ZNF649: variants seen among roughly 807,000 people sequenced by gnomAD.
ZNF649 encodes zinc finger protein 649.
Under a neutral mutation model 14.1 loss-of-function variants are expected in ZNF649, and 7 were observed. The ratio of observed to expected loss-of-function variants is 0.49; its 90% CI spans 0.28 to 0.93. The LOEUF is 0.93. ZNF649 is among the 40% of genes least tolerant of loss of function. The probability of loss-of-function intolerance (pLI) is 0.10; values close to 1 mark genes in which losing one functional copy is unlikely to be tolerated. For missense variants in ZNF649, 544 were observed against 608.1 expected, an observed-to-expected ratio of 0.89 and a Z score of 1.11; for synonymous variants, 227 against 212.3, an observed-to-expected ratio of 1.07 and a Z score of -0.60.
chr19:51,901,986 AAAT>A (rs1300678236), intron 1 of ZNF649, among the ~76,000 whole-genome samples: 43 of 151,540 alleles, frequency 2.8e-4, no homozygotes, highest in African/African-American at 9.7e-4. Context: ...AAGAAAGAAG[AAAT>A]AATAATAAAA....
At chr19:51,902,971 T>A (rs1437872339) in intron 1 of ZNF649, among the ~76,000 whole-genome samples, 2 of 152,124 alleles carry the variant, frequency 1.3e-5, no homozygotes, top group African/African-American at 4.8e-5. Context: ...ATGGCAAAGT[T>A]ATCTCGGGGT....
At chr19:51,897,119 C>T in intron 2 of ZNF649, 141 bp from the exon 3 acceptor site, 10 of 1,198,508 alleles carry the variant, frequency 8.3e-6, no homozygotes, top group Non-Finnish European at 1.2e-5. Flanking sequence ...TTTCAGGATG[C>T]CCCACATATA....
intron 1 of ZNF649, among the ~76,000 whole-genome samples, chr19:51,901,637 C>A (rs1018609506): frequency 6.6e-6 from 1 of 151,020 alleles, no homozygotes; most frequent in Non-Finnish European, 1.5e-5. Flanking sequence ...AGAGCAAGAC[C>A]CTGTCTCTTA....
In ZNF649 at chr19:51,896,459, C is replaced by A; in HGVS notation, c.238+13G>T. 6.2e-7 allele frequency: 1 copy of A among 1,612,506 alleles called. No individual in the cohort carries two copies. The highest frequency in any genetic ancestry group is 1.1e-5 in the South Asian group (1 of 91,048). ...CCGCTGCCTTCCCCTCTTGCTGGTTCTCTCTCACTTACCTGGGTGGGCTGG... is the reference window on the plus strand; with the variant it reads ...CCGCTGCCTTCCCCTCTTGCTGGTTATCTCTCACTTACCTGGGTGGGCTGG... On this transcript the variant is annotated intron_variant, in intron 4 of 4. Coordinates refer to ENST00000354957, the MANE Select transcript of ZNF649 (RefSeq NM_023074.4).
At chr19:51,897,107 G>C (rs769326759) in intron 2 of ZNF649, 129 bp from the exon 3 acceptor site, 27 of 1,335,310 alleles carry the variant, frequency 2.0e-5, no homozygotes, top group Non-Finnish European at 2.8e-5. Flanking sequence ...TCAATGGAAT[G>C]GTTTCAGGAT....
chr19:51,897,479 A>G (rs61557401), intron 2 of ZNF649, among the ~76,000 whole-genome samples: 2,966 of 152,270 alleles, frequency 0.019, 110 homozygotes, highest in African/African-American at 0.066. Context: ...ACCCTAAACT[A>G]TATGCTACAG....
intron 1 of ZNF649, among the ~76,000 whole-genome samples, chr19:51,903,322 G>A (rs1448385764): frequency 6.6e-6 from 1 of 151,916 alleles, no homozygotes; most frequent in African/African-American, 2.4e-5. Context: ...TTGCCAGGCA[G>A]AGCTAAAATT....
rs2085061821 is a variant in ZNF649, at chr19:51,896,291, A to AAAG, written c.238+178_238+180dup. ...ATAGGGATCAGTTCCAAGAAGAGATAAAGGGGTATGTATGCTTCTCTGAAT... is the reference window on the plus strand; with the variant it reads ...ATAGGGATCAGTTCCAAGAAGAGATAAAGAAGGGGTATGTATGCTTCTCTGAAT... On this transcript the variant is annotated intron_variant, in intron 4 of 4. Coordinates refer to ENST00000354957, the MANE Select transcript of ZNF649 (RefSeq NM_023074.4). 6.2e-5 allele frequency: 34 copies of AAAG among 545,668 alleles called. No homozygotes were observed. In the South Asian group the frequency reaches 7.5e-4, roughly 12 times the overall value. 33.8% of individuals were successfully genotyped at this position (545,668 alleles called of 1,614,324 possible).
At chr19:51,896,757 G>A in intron 3 of ZNF649, 95 bp downstream of exon 3, 6 of 1,611,180 alleles carry the variant, frequency 3.7e-6, no homozygotes, top group Non-Finnish European at 5.1e-6. Context: ...TCTGCCATTT[G>A]GGAGCACAGC....
rs1346460525 is a variant in ZNF649, at chr19:51,889,317, A to T, written c.*1301T>A. The T allele has an allele frequency of 6.6e-6, 1 of 152,194 alleles. No homozygotes were observed. The highest frequency in any genetic ancestry group is 1.5e-5 in the Non-Finnish European group (1 of 68,038). 9.4% of individuals were successfully genotyped at this position (152,194 alleles called of 1,614,324 possible). ...ATAAGTTCATGATTTTCTTTCAGTCAGTTCAGGCTACTAGAAAAAATACAC... is the reference window on the plus strand; with the variant it reads ...ATAAGTTCATGATTTTCTTTCAGTCTGTTCAGGCTACTAGAAAAAATACAC... On this transcript the variant is annotated 3_prime_UTR_variant, in exon 5 of 5. Transcript: ENST00000354957.
chr19:51,894,661 T>C (rs1465959029), intron 4 of ZNF649, among the ~76,000 whole-genome samples: 1 of 152,238 alleles, frequency 6.6e-6, no homozygotes, highest in East Asian at 1.9e-4. Flanking sequence ...TAGCCCTGAA[T>C]TGTAACAAAA....
chr19:51,893,995 C>A (rs1001479151), intron 4 of ZNF649, among the ~76,000 whole-genome samples: 6 of 152,174 alleles, frequency 3.9e-5, no homozygotes, highest in African/African-American at 1.4e-4. Flanking sequence ...ATTACTGGCA[C>A]AGAAAATTCA....
chr19:51,898,991 C>T (rs2085080550), intron 2 of ZNF649, among the ~76,000 whole-genome samples: 1 of 152,098 alleles, frequency 6.6e-6, no homozygotes, highest in Non-Finnish European at 1.5e-5. Context: ...GACTGAAAGT[C>T]CCAACTCTGT....
chr19:51,891,087 T>G lies in ZNF649; in HGVS notation c.1049A>C (p.Asp350Ala), dbSNP rs2085018624. 6.2e-7 allele frequency: 1 copy of G among 1,614,100 alleles called. No homozygotes were observed. Among genetic ancestry groups the G allele is most frequent in the Non-Finnish European group, 8.5e-7 (1 of 1,180,046 alleles). The change falls in exon 5 of 5, where the codon GAC becomes GCC. Residue 350 changes from aspartate (D) to alanine (A), a missense_variant. Asp to Ala is a moderately radical substitution (Grantham distance 126, BLOSUM62 -2). Transcript: ENST00000354957. The surrounding 1 kb of genome is among the most constrained non-coding windows in gnomAD (Gnocchi z 4.2). ...CTTCTGGCTGAAGGCCTTGCCACAG[T>G]CAATGCATCCATAAGGTTTCTCTCC... Reference protein sequence around the residue: ...HTGEKPYGCIDCGKAFSQKSC... With the variant: ...HTGEKPYGCIACGKAFSQKSC...
chr19:51,897,495 T>G (rs992817370), intron 2 of ZNF649, among the ~76,000 whole-genome samples: 3 of 152,312 alleles, frequency 2.0e-5, no homozygotes, highest in African/African-American at 4.8e-5. Context: ...TACAGTCATA[T>G]AGTACGTGCA....
chr19:51,902,705 A>G (rs78563255), intron 1 of ZNF649, among the ~76,000 whole-genome samples: 1 of 152,226 alleles, frequency 6.6e-6, no homozygotes, highest in South Asian at 2.1e-4. Context: ...ATTTGGAATC[A>G]TCAGAATTCT....
In ZNF649 at chr19:51,900,115, T is replaced by C; in HGVS notation, c.-8A>G. The C allele has an allele frequency of 6.6e-7, 1 of 1,509,140 alleles. No homozygotes were observed. Among genetic ancestry groups the C allele is most frequent in the South Asian group, 1.4e-5 (1 of 70,770 alleles). 93.5% of individuals were successfully genotyped at this position (1,509,140 alleles called of 1,614,324 possible). On this transcript the variant is annotated 5_prime_UTR_variant, in exon 2 of 5. Coordinates refer to ENST00000354957, the MANE Select transcript of ZNF649 (RefSeq NM_023074.4). ...TACCTGGGCCTTTGTCATTTTCTTC[T>C]GTTTCAGGAAATACCCAAGAACTGG... is the stretch of plus-strand genomic sequence containing the variant.
rs767850845 is a variant in ZNF649 at position 51,891,141 on chromosome 19, T to C, written c.995A>G (p.Asn332Ser). 1 of 1,614,088 alleles carries C rather than the reference T, an allele frequency of 6.2e-7. No individual in the cohort carries two copies. The highest frequency in any genetic ancestry group is 1.3e-5 in the African/African-American group (1 of 74,950). The part of the protein sequence containing the change: ...ECGKGFIQKG[N>S]LNIHQRTHTG... The stretch of plus-strand genomic sequence containing the variant: ...GTGAGTTCGTTGATGTATGTTGAGA[T>C]TGCCCTTCTGAATGAAGCCTTTTCC... The change falls in exon 5 of 5, where the codon AAT becomes AGT. Residue 332 changes from asparagine to serine, a missense_variant. Physicochemically the swap from Asn to Ser is conservative, Grantham distance 46. Coordinates refer to ENST00000354957, the MANE Select transcript of ZNF649 (RefSeq NM_023074.4). This position sits in a 1 kb window ranked among gnomAD's most constrained non-coding sequence, Gnocchi z 4.2.
rs1355109117 is a variant in ZNF649, at chr19:51,889,830, CAAA to C, written c.*785_*787del. 6.6e-6 allele frequency: 1 copy of C among 152,066 alleles called. No individual in the cohort carries two copies. The highest frequency in any genetic ancestry group is 1.5e-5 in the Non-Finnish European group (1 of 67,994). 9.4% of individuals were successfully genotyped at this position (152,066 alleles called of 1,614,324 possible). A position where few individuals can be genotyped will look rare whatever the true frequency, so the allele number is the denominator to read the frequency against. ...AAGCAGAAAAAGAAGAAAAGGAGAA[CAAA>C]GAAGACATAGAATAAACAACAAATA... On this transcript the variant is annotated 3_prime_UTR_variant, in exon 5 of 5. Transcript: ENST00000354957.
Sources: gnomAD v4.1 joint callset for allele counts (sites outside exome capture counted in the v4.1 genomes callset) on GRCh38, gnomAD v4.1.1 for gene constraint, Gnocchi (gnomAD v3.1) non-coding constraint, MANE v1.5 for transcripts, NCBI Gene and HGNC (gene_info 2026-07-23, HGNC 2026-07-21) for gene names.